The following PLPPR4 variants were observed in gnomAD, a reference collection of about 807,000 sequenced individuals.
PLPPR4 encodes phospholipid phosphatase-related protein type 4.
A neutral mutation model predicts 56.6 loss-of-function variants in PLPPR4; 24 were observed. That is an observed-to-expected ratio of 0.42 (90% confidence interval 0.31 to 0.60). The LOEUF (loss-of-function observed/expected upper bound fraction) is 0.60, where lower values mean the gene tolerates loss of function less well. Ranked by LOEUF, PLPPR4 falls within the 20% of genes least tolerant of loss-of-function variation. The pLI, the probability that PLPPR4 is intolerant of heterozygous loss-of-function variation, is 0.13. For missense variants in PLPPR4, 654 were observed against 885.8 expected (o/e 0.74, Z 3.32); for synonymous variants, 326 against 328.1 (o/e 0.99, Z 0.07).
intron 2 of PLPPR4, among the ~76,000 whole-genome samples, chr1:99,291,349 T>C (rs1220408857): frequency 6.6e-6 from 1 of 152,102 alleles, no homozygotes; most frequent in Non-Finnish European, 1.5e-5. Flanking sequence ...GGTTCAACCA[T>C]TGTGAAAGAC....
At chr1:99,291,681 C>T (rs552144716) in intron 2 of PLPPR4, among the ~76,000 whole-genome samples, 14 of 152,230 alleles carry the variant, frequency 9.2e-5, no homozygotes, top group Admixed American at 1.3e-4. Context: ...GAACAGAAAA[C>T]CAAACACCAC....
At chr1:99,292,882 A>G (rs559479670) in intron 2 of PLPPR4, among the ~76,000 whole-genome samples, 1 of 151,872 alleles carries the variant, frequency 6.6e-6, no homozygotes, top group South Asian at 2.1e-4. Context: ...CCATAATTCT[A>G]TCTCGAATCT....
Position 99,306,164 on chromosome 1 carries a change from C to T in PLPPR4, c.1302C>T (p.Ser434=), listed in dbSNP as rs147182630. 17 of 1,613,992 alleles carry T rather than the reference C, an allele frequency of 1.1e-5. No individual in the cohort carries two copies. In the African/African-American group the frequency reaches 2.3e-4, roughly 22 times the overall value. The change falls in exon 7 of 7, where the codon AGC becomes AGT. Residue 434 remains serine, a synonymous_variant. Coordinates refer to ENST00000370185, the MANE Select transcript of PLPPR4 (RefSeq NM_014839.5). The surrounding 1 kb of genome is among the most constrained non-coding windows in gnomAD (Gnocchi z 4.0). ...SPPRSIEMRS[S]SEPSRVGVNG... The stretch of plus-strand genomic sequence containing the variant: ...CCAGATCCATAGAAATGAGGTCAAG[C>T]TCAGAGCCATCGAGGGTAGGGGTGA...
At chr1:99,266,632 G>C (rs556143643) in intron 1 of PLPPR4, among the ~76,000 whole-genome samples, 15 of 152,226 alleles carry the variant, frequency 9.9e-5, no homozygotes, top group Non-Finnish European at 2.1e-4. Flanking sequence ...TCCTTAGCAG[G>C]GCAAGCTGTA....
chr1:99,274,396 C>A (rs1381639349), intron 1 of PLPPR4, among the ~76,000 whole-genome samples: 1 of 151,928 alleles, frequency 6.6e-6, no homozygotes, highest in African/African-American at 2.4e-5. Flanking sequence ...TTTCTCTGTC[C>A]CATTTACCAA....
In PLPPR4 at chr1:99,267,970, A is replaced by T. The variant is rs576132455; in HGVS notation, c.78+3299A>T. Among the ~76,000 whole-genome samples the T allele has an allele frequency of 3.9e-5, 6 of 152,162 alleles. No individual in the cohort carries two copies. The East Asian group carries it at 1.2e-3, about 29-fold the overall frequency. ...TCTCTTTAAGAAAGAGGCCATTATT[A>T]TCTGTGTTTTGAAGAAGAAACTGAA... On this transcript the variant is annotated intron_variant, in intron 1 of 6. Coordinates refer to ENST00000370185, the MANE Select transcript of PLPPR4 (RefSeq NM_014839.5).
intron 1 of PLPPR4, among the ~76,000 whole-genome samples, chr1:99,270,642 G>T (rs970048373): frequency 6.6e-6 from 1 of 152,146 alleles, no homozygotes; most frequent in Admixed American, 6.5e-5. Context: ...CATGATCTAT[G>T]TACAAATTAT....
chr1:99,270,996 C>T (rs1659045102), intron 1 of PLPPR4, among the ~76,000 whole-genome samples: 1 of 152,160 alleles, frequency 6.6e-6, no homozygotes, highest in South Asian at 2.1e-4. Context: ...ATAGCACTTG[C>T]TATTAGGGAA....
rs1660050974 is a variant in PLPPR4, at chr1:99,307,113, C to T, written c.*103C>T. On this transcript the variant is annotated 3_prime_UTR_variant, in exon 7 of 7. Transcript: ENST00000370185. ...GGGAAGTCTCACCAAGCTAGATTGT[C>T]TACCATCAGCCCAGAACTCTGTAAC... The T allele has an allele frequency of 7.3e-7, 1 of 1,378,378 alleles. No individual in the cohort carries two copies. Among genetic ancestry groups the T allele is most frequent in the African/African-American group, 1.4e-5 (1 of 69,154 alleles). 85.4% of individuals were successfully genotyped at this position (1,378,378 alleles called of 1,614,324 possible).
At chr1:99,272,262 A>G (rs1659079782) in intron 1 of PLPPR4, among the ~76,000 whole-genome samples, 1 of 151,968 alleles carries the variant, frequency 6.6e-6, no homozygotes, top group Non-Finnish European at 1.5e-5. Flanking sequence ...ACCTAAGAAA[A>G]TTTTGCTTTG....
intron 2 of PLPPR4, among the ~76,000 whole-genome samples, chr1:99,291,956 T>C (rs1659632367): frequency 6.6e-6 from 1 of 151,914 alleles, no homozygotes; most frequent in Non-Finnish European, 1.5e-5. Flanking sequence ...TTATAATATA[T>C]ATAAATTTTA....
At position 99,296,934 on chromosome 1, in the gene PLPPR4, A is replaced by G. The variant is rs1659757514; in HGVS notation, c.394+67A>G. ...TTATATTGAAATGTTATATTTAATT[A>G]TAGATATTAAGTCTCGTACGCTATA... On this transcript the variant is annotated intron_variant, in intron 3 of 6. Transcript: ENST00000370185. 16 of 1,360,812 alleles carry G rather than the reference A, an allele frequency of 1.2e-5. No homozygotes were observed. The East Asian group carries it at 3.9e-4, about 33-fold the overall frequency. The allele number at this position is 1,360,812 out of a possible 1,614,324, so 84.3% of individuals were successfully genotyped here.
chr1:99,264,777 G>A (rs1479247152), intron 1 of PLPPR4, 106 bp downstream of exon 1: 6 of 1,252,132 alleles, frequency 4.8e-6, no homozygotes, highest in Non-Finnish European at 5.7e-6. Context: ...CCGGGCGCGC[G>A]CGGCTGTCCC....
chr1:99,292,283 G>A (rs1659642736), intron 2 of PLPPR4, among the ~76,000 whole-genome samples: 1 of 152,166 alleles, frequency 6.6e-6, no homozygotes. Flanking sequence ...ATGTCCTGGG[G>A]ACAATAACCT....
rs1245739955 is a variant in PLPPR4 at position 99,264,508 on chromosome 1, G to T, written c.-86G>T. ...GAATGTGACATCAGCGGCGCCGGGC[G>T]CTTGGGGCTGGAGGAGGCAGCTCGC... On this transcript the variant is annotated 5_prime_UTR_variant, in exon 1 of 7. Transcript: ENST00000370185. 1 of 1,543,814 alleles carries T rather than the reference G, an allele frequency of 6.5e-7. No individual in the cohort carries two copies. The highest frequency in any genetic ancestry group is 8.7e-7 in the Non-Finnish European group (1 of 1,145,006).
chr1:99,278,746 T>G (rs1308761394), intron 1 of PLPPR4, among the ~76,000 whole-genome samples: 2 of 152,194 alleles, frequency 1.3e-5, no homozygotes, highest in Admixed American at 6.5e-5. Context: ...CACTTATCAT[T>G]ATTTTTGACT....
chr1:99,304,185 T>C (rs532868270), intron 6 of PLPPR4, among the ~76,000 whole-genome samples: 5 of 152,210 alleles, frequency 3.3e-5, no homozygotes, highest in Non-Finnish European at 7.3e-5. Context: ...GGTGATCCCA[T>C]AAGATTAGAG....
intron 1 of PLPPR4, among the ~76,000 whole-genome samples, chr1:99,277,269 A>G (rs1049066392): frequency 4.6e-5 from 7 of 152,064 alleles, no homozygotes; most frequent in Non-Finnish European, 1.0e-4. Flanking sequence ...CAGGACTTTG[A>G]TCCTACTTGT....
chr1:99,296,126 A>G (rs1659734274), intron 2 of PLPPR4, among the ~76,000 whole-genome samples: 1 of 152,188 alleles, frequency 6.6e-6, no homozygotes, highest in Non-Finnish European at 1.5e-5. Flanking sequence ...TTAGATGTCT[A>G]TATCTAGGAA....
Sources: allele counts gnomAD v4.1 joint callset (sites outside exome capture counted in the v4.1 genomes callset), GRCh38; gene constraint gnomAD v4.1.1; non-coding constraint Gnocchi (gnomAD v3.1); transcripts MANE v1.5; gene names NCBI Gene and HGNC (gene_info 2026-07-23, HGNC 2026-07-21).